MRC2: variants seen among roughly 807,000 people sequenced by gnomAD.
The protein encoded by MRC2 is mannose receptor C-type 2, also known as C-type mannose receptor 2.
Under a neutral mutation model 206.2 loss-of-function variants are expected in MRC2, and 84 were observed. The observed-to-expected ratio is 0.41, with a 90% CI of 0.34 to 0.49. The LOEUF is 0.49. MRC2 is among the 20% of genes least tolerant of loss of function. The pLI is 0.31. For missense variants in MRC2, 1,676 were observed against 2,001.5 expected, an observed-to-expected ratio of 0.84 and a Z score of 3.10; for synonymous variants, 798 against 800.0, an observed-to-expected ratio of 1.00 and a Z score of 0.04.
At chr17:62,676,836 G>A (rs1185084397) in intron 11 of MRC2, among the ~76,000 whole-genome samples, 1 of 152,248 alleles carries the variant, frequency 6.6e-6, no homozygotes, top group Non-Finnish European at 1.5e-5. Context: ...AAGAGTTAAT[G>A]TGTGTAAAGT....
At chr17:62,668,359 A>AAAAT (rs372200915) in intron 6 of MRC2, among the ~76,000 whole-genome samples, 1,538 of 147,912 alleles carry the variant, frequency 0.01, 35 homozygotes, top group African/African-American at 0.034. Flanking sequence ...CCTGCCTCAA[A>AAAAT]AAATAAATAA....
At chr17:62,649,737 A>C (rs1332044874) in intron 1 of MRC2, among the ~76,000 whole-genome samples, 2 of 152,122 alleles carry the variant, frequency 1.3e-5, no homozygotes, top group Admixed American at 1.3e-4. Flanking sequence ...GCTGTGCTTC[A>C]AATGTGTCTC....
chr17:62,632,468 G>A (rs758431332), intron 1 of MRC2, among the ~76,000 whole-genome samples: 32 of 152,200 alleles, frequency 2.1e-4, no homozygotes, highest in Middle Eastern at 3.4e-3. Context: ...TCTGCCCTCC[G>A]CAGCTCTGGT....
At position 62,680,577 on chromosome 17, in the gene MRC2, G is replaced by A. The variant is rs528513459; in HGVS notation, c.2473+124G>A. ...GAGTTCCGGTCGAGAGAAGGGGGAC[G>A]GGGTTGGCTCGGACGGAGGCAGCCA... On this transcript the variant is annotated intron_variant, in intron 16 of 29. Coordinates refer to ENST00000303375, the MANE Select transcript of MRC2 (RefSeq NM_006039.5). This position sits in a 1 kb window ranked among gnomAD's most constrained non-coding sequence, Gnocchi z 4.8. The A allele has an allele frequency of 2.1e-6, 3 of 1,435,962 alleles. No homozygotes were observed. Among genetic ancestry groups the A allele is most frequent in the Non-Finnish European group, 2.9e-6 (3 of 1,044,406 alleles). The allele number at this position is 1,435,962 out of a possible 1,614,324, so 89.0% of individuals were successfully genotyped here.
chr17:62,658,850 G>C (rs933254559), intron 1 of MRC2, among the ~76,000 whole-genome samples: 1 of 152,212 alleles, frequency 6.6e-6, no homozygotes, highest in African/African-American at 2.4e-5. Context: ...CTGAGAACCA[G>C]ATACCTACTC....
Position 62,664,013 on chromosome 17 carries a change from G to A in MRC2, c.119-535G>A, listed in dbSNP as rs568506834. Among the ~76,000 whole-genome samples, 3 of 145,612 alleles carry A rather than the reference G, an allele frequency of 2.1e-5. No individual in the cohort carries two copies. Among genetic ancestry groups the A allele is most frequent in the Admixed American group, 6.9e-5 (1 of 14,512 alleles). On this transcript the variant is annotated intron_variant, in intron 1 of 29. Coordinates refer to ENST00000303375, the MANE Select transcript of MRC2 (RefSeq NM_006039.5). The surrounding 1 kb of genome is among the most constrained non-coding windows in gnomAD (Gnocchi z 4.7). ...CTCGCTCTGTCGCCCAGGCTGGAGT[G>A]CAGTGGCGGGATCTCGGCTCACTGC...
rs1463998775 is a variant in MRC2, at chr17:62,690,665, C to G, written c.3916C>G (p.Leu1306Val). Residue 1306 changes from leucine to valine, a missense_variant, in exon 27 of 30, where the codon CTG (leucine) becomes GTG (valine). Leu to Val is a conservative substitution (Grantham distance 32). Around this residue, in one of 3 missense-constraint regions of MRC2, gnomAD observed 1,354 missense variants for 1,636.6 expected, o/e 0.83. Transcript: ENST00000303375. ...QRAGGAVLSILDEMENVFVWE... is the reference protein window; with the variant it reads ...QRAGGAVLSIVDEMENVFVWE... Reference sequence around the variant, plus strand: ...AGCGGGTGGGGCCGTCCTGTCTATCCTGGATGAGATGGAGAATGTGTTTGT... The same window carrying G: ...AGCGGGTGGGGCCGTCCTGTCTATCGTGGATGAGATGGAGAATGTGTTTGT... 1 of 1,612,404 alleles carries G rather than the reference C, an allele frequency of 6.2e-7. No homozygotes were observed. Among genetic ancestry groups the G allele is most frequent in the Admixed American group, 1.7e-5 (1 of 59,766 alleles).
chr17:62,645,519 ATATATATATTTTTTTTTT>A (rs2088469514), intron 1 of MRC2, among the ~76,000 whole-genome samples: 1 of 66,124 alleles, frequency 1.5e-5, no homozygotes, highest in African/African-American at 5.9e-5. Context: ...ATATATATAT[ATATATATATTTTTTTTTT>A]TTTTTTTTTT....
rs2088719640 is a variant in MRC2 at position 62,664,334 on chromosome 17, C to G, written c.119-214C>G. On this transcript the variant is annotated intron_variant, in intron 1 of 29. Transcript: ENST00000303375. This position sits in a 1 kb window ranked among gnomAD's most constrained non-coding sequence, Gnocchi z 4.7. ...AGCAGGGGCTAGAACAGAGGTAGTCCTGCAGGCCTCTGCCTCATCTGGGCA... is the reference window on the plus strand; with the variant it reads ...AGCAGGGGCTAGAACAGAGGTAGTCGTGCAGGCCTCTGCCTCATCTGGGCA... Among the ~76,000 whole-genome samples the G allele has an allele frequency of 6.6e-6, 1 of 152,136 alleles. No homozygotes were observed. Among genetic ancestry groups the G allele is most frequent in the Non-Finnish European group, 1.5e-5 (1 of 68,004 alleles).
At position 62,652,244 on chromosome 17, in the gene MRC2, C is replaced by T. The variant is rs992789280; in HGVS notation, c.119-12304C>T. 1.3e-5 allele frequency among the ~76,000 whole-genome samples: 2 copies of T among 152,254 alleles called. No homozygotes were observed. Among genetic ancestry groups the T allele is most frequent in the African/African-American group, 4.8e-5 (2 of 41,474 alleles). ...ACTGGTTCGTCCTCAATCAACCAGG[C>T]GTGGAGTCCTAACCTGTCCATGATT... On this transcript the variant is annotated intron_variant, in intron 1 of 29. Transcript: ENST00000303375. This position sits in a 1 kb window ranked among gnomAD's most constrained non-coding sequence, Gnocchi z 4.6.
intron 1 of MRC2, among the ~76,000 whole-genome samples, chr17:62,639,875 C>T (rs2088376895): frequency 6.6e-6 from 1 of 151,428 alleles, no homozygotes; most frequent in African/African-American, 2.4e-5. Context: ...TTTTTTGAGA[C>T]AGAGTTTTGC....
intron 1 of MRC2, among the ~76,000 whole-genome samples, chr17:62,640,343 T>C (rs1362176511): frequency 6.6e-6 from 1 of 152,186 alleles, no homozygotes; most frequent in Admixed American, 6.5e-5. Flanking sequence ...TTTTGTTTTC[T>C]TTCCTGAACA....
Position 62,672,262 on chromosome 17 carries a change from T to G in MRC2, c.1461+110T>G. The G allele has an allele frequency of 7.5e-7, 1 of 1,325,678 alleles. No homozygotes were observed. The highest frequency in any genetic ancestry group is 1.1e-6 in the Non-Finnish European group (1 of 943,338). 82.1% of individuals were successfully genotyped at this position (1,325,678 alleles called of 1,614,324 possible). The stretch of plus-strand genomic sequence containing the variant: ...ACTATCAGAACCTGCCTGGAACCTC[T>G]TACCTCTCAGCAGTCCCCCTCCTCC... On this transcript the variant is annotated intron_variant, in intron 8 of 29. Coordinates refer to ENST00000303375, the MANE Select transcript of MRC2 (RefSeq NM_006039.5). This position sits in a 1 kb window ranked among gnomAD's most constrained non-coding sequence, Gnocchi z 4.5.
intron 1 of MRC2, among the ~76,000 whole-genome samples, chr17:62,663,158 T>C (rs1049094810): frequency 6.6e-6 from 1 of 152,050 alleles, no homozygotes; most frequent in East Asian, 1.9e-4. Context: ...TCACTTCATG[T>C]CTCTAAGACT....
At chr17:62,628,790 G>GA (rs1313748332) in intron 1 of MRC2, among the ~76,000 whole-genome samples, 3 of 151,874 alleles carry the variant, frequency 2.0e-5, no homozygotes, top group Non-Finnish European at 4.4e-5. Context: ...TCTAAGAGTT[G>GA]AAAGGAAAGA....
At chr17:62,636,741 G>A (rs1357819032) in intron 1 of MRC2, among the ~76,000 whole-genome samples, 2 of 152,098 alleles carry the variant, frequency 1.3e-5, no homozygotes, top group East Asian at 1.9e-4. Context: ...CAAGTGCTGC[G>A]ATTACAGGCG....
intron 1 of MRC2, among the ~76,000 whole-genome samples, chr17:62,660,502 C>T (rs1355109301): frequency 6.6e-6 from 1 of 152,138 alleles, no homozygotes; most frequent in East Asian, 1.9e-4. Context: ...TTAAGTTCCA[C>T]CAAGTTTGAG....
rs749206461 is a variant in MRC2 at position 62,666,131 on chromosome 17, G to A, written c.558G>A (p.Pro186=). The change falls in exon 3 of 30, where the codon CCG becomes CCA. Residue 186 remains proline (P), a synonymous_variant. Transcript: ENST00000303375. The surrounding 1 kb of genome is among the most constrained non-coding windows in gnomAD (Gnocchi z 5.0). ...YTIQGNSHGK[P]CTIPFKYDNQ... ...TCCAGGGAAACTCCCACGGAAAGCC[G>A]TGCACCATCCCCTTCAAATATGACA... 81 of 1,597,532 alleles carry A rather than the reference G, an allele frequency of 5.1e-5. No individual in the cohort carries two copies. The highest frequency in any genetic ancestry group is 6.7e-5 in the Non-Finnish European group (78 of 1,171,844).
rs1052806798 is a variant in MRC2, at chr17:62,676,387, G to A, written c.1690G>A (p.Glu564Lys). 6.8e-6 allele frequency: 11 copies of A among 1,613,736 alleles called. No homozygotes were observed. The highest frequency in any genetic ancestry group is 2.2e-5 in the East Asian group (1 of 44,878). The change falls in exon 11 of 30, where the codon GAG (glutamate) becomes AAG (lysine). Residue 564 changes from glutamate to lysine, a missense_variant. By Grantham distance (56) the Glu-to-Lys change is moderately conservative. This residue lies in a region of MRC2 where 1,354 missense variants were observed against 1,636.6 expected (regional missense o/e 0.83). Transcript: ENST00000303375. ...TGACCAGCCTGTCTCCTGAAGGTTCGAGCAGGCCTTCGTCAGCAGCCTCAT... is the reference window on the plus strand; with the variant it reads ...TGACCAGCCTGTCTCCTGAAGGTTCAAGCAGGCCTTCGTCAGCAGCCTCAT... ...SQLVTITNRF[E>K]QAFVSSLIYN...
Sources: allele counts gnomAD v4.1 joint callset (sites outside exome capture counted in the v4.1 genomes callset), GRCh38; gene constraint gnomAD v4.1.1; regional missense constraint gnomAD v4.1.1; non-coding constraint Gnocchi (gnomAD v3.1); transcripts MANE v1.5; gene names NCBI Gene and HGNC (gene_info 2026-07-23, HGNC 2026-07-21).